Variants in NEDD9 observed in about 807,000 individuals in gnomAD.
NEDD9 encodes neural precursor cell expressed, developmentally down-regulated 9.
A neutral mutation model predicts 76.6 loss-of-function variants in NEDD9; 26 were observed. The observed-to-expected ratio is 0.34, with a 90% CI of 0.25 to 0.47. The LOEUF is 0.47. Ranked by LOEUF, NEDD9 falls within the 20% of genes least tolerant of loss-of-function variation. The pLI is 1.00. For missense variants in NEDD9, 937 were observed against 1,058.5 expected (o/e 0.89, Z 1.59); for synonymous variants, 392 against 414.2 (o/e 0.95, Z 0.65).
chr6:11,210,766 G>GGAGAGAGGGAGA (rs1758762910), intron 2 of NEDD9, among the ~76,000 whole-genome samples: 1 of 121,854 alleles, frequency 8.2e-6, no homozygotes, highest in African/African-American at 3.3e-5. Context: ...AGGGATGGGG[G>GGAGAGAGGGAGA]GAGAGAGAGA....
intron 2 of NEDD9, among the ~76,000 whole-genome samples, chr6:11,325,640 A>G (rs1011688295): frequency 1.3e-5 from 2 of 152,328 alleles, no homozygotes; most frequent in Middle Eastern, 3.4e-3. Flanking sequence ...CCTTGTGACA[A>G]GTCAAAAGAG....
chr6:11,302,448 C>T (rs1446080057), intron 3 of NEDD9, among the ~76,000 whole-genome samples: 1 of 152,164 alleles, frequency 6.6e-6, no homozygotes, highest in Non-Finnish European at 1.5e-5. Flanking sequence ...CAAAGAGGAG[C>T]TGGTACCATT....
At chr6:11,338,518 G>A (rs1316032251) in intron 1 of NEDD9, among the ~76,000 whole-genome samples, 2 of 152,130 alleles carry the variant, frequency 1.3e-5, no homozygotes, top group Non-Finnish European at 2.9e-5. Context: ...TCAGAAAGAA[G>A]CACTTTATCC....
intron 3 of NEDD9, among the ~76,000 whole-genome samples, chr6:11,267,550 A>G (rs886253430): frequency 6.6e-6 from 1 of 152,224 alleles, no homozygotes; most frequent in Non-Finnish European, 1.5e-5. Context: ...TGGGCTTTTA[A>G]GGCTGTTGGA....
chr6:11,248,883 G>A (rs1759860209), intron 3 of NEDD9: 2 of 343,240 alleles, frequency 5.8e-6, no homozygotes, highest in Non-Finnish European at 1.2e-5. Flanking sequence ...AGTGTCAGCT[G>A]TCTCCTTTGC....
intron 2 of NEDD9, among the ~76,000 whole-genome samples, chr6:11,317,353 A>G (rs968776668): frequency 2.6e-5 from 4 of 151,874 alleles, no homozygotes; most frequent in African/African-American, 9.7e-5. Flanking sequence ...GAATTGCTTG[A>G]AACTGGGAGG....
At chr6:11,264,585 T>TA (rs1344482955) in intron 3 of NEDD9, among the ~76,000 whole-genome samples, 2 of 152,156 alleles carry the variant, frequency 1.3e-5, no homozygotes, top group South Asian at 2.1e-4. Context: ...TCCAGCCAAA[T>TA]AAAAAATGAA....
In NEDD9 at chr6:11,232,538, G is replaced by T; in HGVS notation, c.-23C>A. ...CATTTCGGCAGCGGTGGGTTGAGCC[G>T]TTTTCCTACACTAGTTAAGACAGCA... On this transcript the variant is annotated 5_prime_UTR_variant, in exon 1 of 7. Transcript: ENST00000379446. 1.2e-6 allele frequency: 2 copies of T among 1,614,166 alleles called. No homozygotes were observed. Among genetic ancestry groups the T allele is most frequent in the Non-Finnish European group, 1.7e-6 (2 of 1,180,034 alleles).
chr6:11,369,374 C>T (rs559068922), intron 1 of NEDD9, among the ~76,000 whole-genome samples: 21 of 152,100 alleles, frequency 1.4e-4, no homozygotes, highest in African/African-American at 4.1e-4. Context: ...ATAAGCCTGA[C>T]GAGGGGAGAA....
intron 1 of NEDD9, among the ~76,000 whole-genome samples, chr6:11,345,232 G>C (rs1762343311): frequency 6.6e-6 from 1 of 152,190 alleles, no homozygotes; most frequent in Admixed American, 6.5e-5. Flanking sequence ...GCAGGGAAGA[G>C]CTGGGGCTAG....
At chr6:11,197,841 T>C (rs1041293029) in intron 2 of NEDD9, among the ~76,000 whole-genome samples, 1 of 152,142 alleles carries the variant, frequency 6.6e-6, no homozygotes, top group East Asian at 1.9e-4. Flanking sequence ...TTGAAAGCCA[T>C]GTATGCTGAA....
Position 11,184,973 on chromosome 6 carries a change from G to C in NEDD9, c.*189C>G. Reference sequence around the variant, plus strand: ...TCTATGTATACATAAGAACCACTCAGGGGGAAAAAAAAAGATTTCCCTCTC... The same window carrying C: ...TCTATGTATACATAAGAACCACTCACGGGGAAAAAAAAAGATTTCCCTCTC... On this transcript the variant is annotated 3_prime_UTR_variant, in exon 7 of 7. Transcript: ENST00000379446. 1.4e-6 allele frequency: 1 copy of C among 705,724 alleles called. No individual in the cohort carries two copies. Among genetic ancestry groups the C allele is most frequent in the Non-Finnish European group, 2.2e-6 (1 of 453,590 alleles). The allele number at this position is 705,724 out of a possible 1,614,324, so 43.7% of individuals were successfully genotyped here.
chr6:11,204,810 C>G (rs1758558749), intron 2 of NEDD9, among the ~76,000 whole-genome samples: 1 of 151,550 alleles, frequency 6.6e-6, no homozygotes, highest in African/African-American at 2.4e-5. Context: ...TAGCAACATT[C>G]TCAGTGGTAC....
chr6:11,196,118 C>T (rs1561782933), intron 2 of NEDD9, among the ~76,000 whole-genome samples: 1 of 152,076 alleles, frequency 6.6e-6, no homozygotes, highest in African/African-American at 2.4e-5. Flanking sequence ...TCCTGGCTAA[C>T]ACAGTGAAAC....
chr6:11,188,425 A>C, intron 5 of NEDD9, 118 bp from the exon 6 acceptor site: 1 of 895,950 alleles, frequency 1.1e-6, no homozygotes. Context: ...CAACATCTCA[A>C]ATGCCCAGTG....
chr6:11,308,251 G>A (rs1761250920), intron 2 of NEDD9, among the ~76,000 whole-genome samples: 1 of 151,730 alleles, frequency 6.6e-6, no homozygotes. Flanking sequence ...GCTTCTTCCT[G>A]TGGCACATGT....
intron 3 of NEDD9, among the ~76,000 whole-genome samples, chr6:11,267,152 T>C (rs1397265177): frequency 6.6e-6 from 1 of 152,230 alleles, no homozygotes; most frequent in Non-Finnish European, 1.5e-5. Flanking sequence ...TTCAATCGCT[T>C]TTTCTGAAAT....
rs1757952170 is a variant in NEDD9, at chr6:11,185,451, G to A, written c.2216C>T (p.Pro739Leu). Residue 739 changes from proline to leucine, a missense_variant, in exon 7 of 7, where the codon CCG (proline) becomes CTG (leucine). Pro to Leu is a moderately conservative substitution (Grantham distance 98). Transcript: ENST00000379446. ...CTTGCTGTGTGCCACGAAGATTCGC[G>A]GGGGCTGGGCTGAGCTGACACAACT... is the stretch of plus-strand genomic sequence containing the variant. ...LFSCVSSAQP[P>L]RIFVAHSKFV... is the part of the protein sequence containing the mutation. The A allele has an allele frequency of 1.9e-6, 3 of 1,614,090 alleles. No homozygotes were observed. The highest frequency in any genetic ancestry group is 1.7e-5 in the Admixed American group (1 of 60,000).
intron 2 of NEDD9, among the ~76,000 whole-genome samples, chr6:11,316,489 A>C (rs1383846714): frequency 2.0e-5 from 3 of 152,052 alleles, no homozygotes; most frequent in Admixed American, 1.3e-4. Flanking sequence ...TCTCCATCTC[A>C]GTTGCCTCTG....
Sources: gnomAD v4.1 joint callset for allele counts (sites outside exome capture counted in the v4.1 genomes callset) on GRCh38, gnomAD v4.1.1 for gene constraint, MANE v1.5 for transcripts, NCBI Gene and HGNC (gene_info 2026-07-23, HGNC 2026-07-21) for gene names.